Variants in OTOA observed in about 807,000 individuals in gnomAD.
OTOA encodes cancer/testis antigen 108.
OTOA carries 70 observed loss-of-function variants against 110.8 expected under a neutral mutation model. That is an observed-to-expected ratio of 0.63 (90% CI 0.52 to 0.77). The LOEUF (loss-of-function observed/expected upper bound fraction) is 0.77, where lower values mean the gene tolerates loss of function less well. Among genes scored for constraint, OTOA ranks in the 30% least tolerant of loss-of-function variants. OTOA has a pLI of 0.00. For missense variants in OTOA, 917 were observed against 1,075.8 expected (o/e 0.85, Z 2.06); for synonymous variants, 373 against 431.5 (o/e 0.86, Z 1.68).
chr16:21,709,102 G>T (rs1898280137), intron 12 of OTOA, among the ~76,000 whole-genome samples: 2 of 152,140 alleles, frequency 1.3e-5, no homozygotes, highest in African/African-American at 4.8e-5. Flanking sequence ...TTATGTGGTA[G>T]GATGTTCAGG....
At chr16:21,686,879 C>T (rs537333943) in intron 7 of OTOA, among the ~76,000 whole-genome samples, 4 of 152,150 alleles carry the variant, frequency 2.6e-5, no homozygotes, top group Non-Finnish European at 5.9e-5. Flanking sequence ...GGTGACAGAG[C>T]GAGACCCTGT....
chr16:21,695,889 A>ATTTTTTTT (rs1213474615), intron 9 of OTOA, among the ~76,000 whole-genome samples: 16 of 63,636 alleles, frequency 2.5e-4, no homozygotes, highest in African/African-American at 5.9e-4. Flanking sequence ...ATATATATAT[A>ATTTTTTTT]TATTTTTTTT....
chr16:21,723,725 C>T (rs1351106862), intron 18 of OTOA, among the ~76,000 whole-genome samples: 1 of 152,116 alleles, frequency 6.6e-6, no homozygotes, highest in Non-Finnish European at 1.5e-5. Context: ...TCTAGGGGTG[C>T]AAATGATGTC....
At chr16:21,668,992 T>C (rs1966845682) in intron 1 of OTOA, among the ~76,000 whole-genome samples, 1 of 152,068 alleles carries the variant, frequency 6.6e-6, no homozygotes. Context: ...AAAACTCACC[T>C]AATTTCTCCG....
At chr16:21,721,427 C>A (rs1357430067) in intron 17 of OTOA, 9 of 455,826 alleles carry the variant, frequency 2.0e-5, no homozygotes, top group Non-Finnish European at 3.5e-5. Flanking sequence ...CTACTGGCCT[C>A]TAGTGGGTAG....
At chr16:21,711,731 T>G (rs1898363007) in intron 13 of OTOA, among the ~76,000 whole-genome samples, 1 of 152,126 alleles carries the variant, frequency 6.6e-6, no homozygotes, top group Non-Finnish European at 1.5e-5. Context: ...CCTCCCAAAG[T>G]GCTGGGATTA....
At chr16:21,682,441 G>A (rs772031924) in intron 6 of OTOA, among the ~76,000 whole-genome samples, 2 of 152,192 alleles carry the variant, frequency 1.3e-5, no homozygotes, top group African/African-American at 2.4e-5. Flanking sequence ...TTGATAAAGA[G>A]CAGTGAGAGA....
intron 12 of OTOA, among the ~76,000 whole-genome samples, chr16:21,708,042 T>A (rs1044830484): frequency 3.3e-5 from 5 of 151,830 alleles, no homozygotes; most frequent in African/African-American, 1.2e-4. Context: ...CCGCCTGCCA[T>A]GGCCTCTTAA....
intron 12 of OTOA, among the ~76,000 whole-genome samples, chr16:21,706,823 C>CT (rs34176598): frequency 0.027 from 3,453 of 128,248 alleles, 58 homozygotes; most frequent in South Asian, 0.035. Context: ...GTCAGCGCAT[C>CT]TTTTTTTTTT....
chr16:21,701,422 G>A (rs150583), intron 11 of OTOA, among the ~76,000 whole-genome samples: 51,032 of 152,032 alleles, frequency 0.34, 10,597 homozygotes, highest in Non-Finnish European at 0.47. Context: ...TATGAGAACC[G>A]CTTGTTATCA....
intron 10 of OTOA, among the ~76,000 whole-genome samples, chr16:21,698,728 C>G (rs1481290779): frequency 6.6e-6 from 1 of 152,008 alleles, no homozygotes; most frequent in Non-Finnish European, 1.5e-5. Context: ...AAGTGTCTTC[C>G]GATTTTTATA....
intron 15 of OTOA, among the ~76,000 whole-genome samples, chr16:21,718,061 A>G (rs1432057511): frequency 2.0e-5 from 3 of 152,062 alleles, no homozygotes; most frequent in African/African-American, 7.2e-5. Context: ...AGTTCAAGCA[A>G]TCCTCATGGC....
At chr16:21,724,484 C>T (rs942805796) in intron 18 of OTOA, among the ~76,000 whole-genome samples, 4 of 151,142 alleles carry the variant, frequency 2.6e-5, no homozygotes, top group Non-Finnish European at 4.5e-5. Context: ...ATCATGGGGG[C>T]TTTGTAAAGT....
intron 1 of OTOA, among the ~76,000 whole-genome samples, chr16:21,669,814 T>A (rs1285342823): frequency 1.3e-5 from 2 of 152,138 alleles, no homozygotes; most frequent in Non-Finnish European, 2.9e-5. Context: ...CAGCAATCAA[T>A]GTGCTTGATC....
At chr16:21,725,882 G>A (rs1033883142) in intron 18 of OTOA, among the ~76,000 whole-genome samples, 6 of 152,240 alleles carry the variant, frequency 3.9e-5, no homozygotes, top group East Asian at 1.9e-4. Flanking sequence ...GTTACAGATC[G>A]TTGTCATAAC....
chr16:21,723,426 T>C (rs1398176176), intron 18 of OTOA, among the ~76,000 whole-genome samples: 1 of 150,478 alleles, frequency 6.6e-6, no homozygotes, highest in Non-Finnish European at 1.5e-5. Flanking sequence ...TTTTTTGCTC[T>C]TATTGTCTTC....
rs1392473908 is a variant in OTOA, at chr16:21,687,170, C to A, written c.400-243C>A. Among the ~76,000 whole-genome samples, 3 of 152,136 alleles carry A rather than the reference C, an allele frequency of 2.0e-5. 1 individual carries two copies. Among genetic ancestry groups the A allele is most frequent in the Admixed American group, 1.3e-4 (2 of 15,270 alleles). ...GAAAGATGCAGAATTCCAGGTAGAC[C>A]AAGGGCCTGATGTATGCTGGTCAGG... On this transcript the variant is annotated intron_variant, in intron 7 of 28. Coordinates refer to ENST00000646100, the MANE Select transcript of OTOA (RefSeq NM_144672.4).
intron 5 of OTOA, among the ~76,000 whole-genome samples, chr16:21,680,145 A>G (rs1456340463): frequency 6.6e-6 from 1 of 151,966 alleles, no homozygotes; most frequent in Non-Finnish European, 1.5e-5. Flanking sequence ...ACTTTTGGAT[A>G]TATTCTTTCA....
chr16:21,726,785 G>A, intron 19 of OTOA, 127 bp downstream of exon 19: 1 of 1,330,088 alleles, frequency 7.5e-7, no homozygotes, highest in Non-Finnish European at 1.1e-6. Context: ...GGTGGGTCTT[G>A]AAGCTTACTC....
Sources: gnomAD v4.1 joint callset for allele counts (sites outside exome capture counted in the v4.1 genomes callset) on GRCh38, gnomAD v4.1.1 for gene constraint, MANE v1.5 for transcripts, NCBI Gene and HGNC (gene_info 2026-07-23, HGNC 2026-07-21) for gene names.